SLC9A2: variants seen among roughly 807,000 people sequenced by gnomAD.
The protein encoded by SLC9A2 is solute carrier family 9 member A2, also known as sodium/hydrogen exchanger 2.
Under a neutral mutation model 71.7 loss-of-function variants are expected in SLC9A2, and 42 were observed. That is an observed-to-expected ratio of 0.59 (90% CI 0.46 to 0.76). The LOEUF is 0.76. Ranked by LOEUF, SLC9A2 falls within the 30% of genes least tolerant of loss-of-function variation. The pLI is 0.00. For missense variants in SLC9A2, 829 were observed against 1,017.4 expected (o/e 0.81, Z 2.52); for synonymous variants, 396 against 392.5 (o/e 1.01, Z -0.10).
intron 3 of SLC9A2, among the ~76,000 whole-genome samples, chr2:102,668,164 TG>T (rs1677178768): frequency 6.6e-6 from 1 of 152,194 alleles, no homozygotes; most frequent in Non-Finnish European, 1.5e-5. Flanking sequence ...ATATTACCAG[TG>T]ATGTAAACAT....
chr2:102,701,103 G>A lies in SLC9A2; in HGVS notation c.1620G>A (p.Lys540=), dbSNP rs1677865436. The A allele has an allele frequency of 1.2e-6, 2 of 1,607,812 alleles. No homozygotes were observed. The highest frequency in any genetic ancestry group is 1.7e-6 in the Non-Finnish European group (2 of 1,177,844). The change falls in exon 8 of 12, where the codon AAG becomes AAA. Residue 540 remains lysine (K), a synonymous_variant. Transcript: ENST00000233969. Reference sequence around the variant, plus strand: ...AGTTTGATGATAAATATCTGCGGAAGCTTTTGATTCGGGAAAACCAACCAA... The same window carrying A: ...AGTTTGATGATAAATATCTGCGGAAACTTTTGATTCGGGAAAACCAACCAA... ...FKKFDDKYLR[K]LLIRENQPKS...
At chr2:102,688,673 A>C (rs1677601328) in intron 5 of SLC9A2, among the ~76,000 whole-genome samples, 1 of 152,170 alleles carries the variant, frequency 6.6e-6, no homozygotes, top group African/African-American at 2.4e-5. Context: ...GGTTGCAGTG[A>C]GCCGAGATTT....
intron 5 of SLC9A2, among the ~76,000 whole-genome samples, chr2:102,690,427 A>C (rs1270304979): frequency 6.6e-6 from 1 of 152,160 alleles, no homozygotes; most frequent in Non-Finnish European, 1.5e-5. Flanking sequence ...AGATATGGGC[A>C]ACTCTCTTAG....
At chr2:102,626,227 TA>T (rs1439420935) in intron 1 of SLC9A2, among the ~76,000 whole-genome samples, 1 of 152,266 alleles carries the variant, frequency 6.6e-6, no homozygotes, top group Non-Finnish European at 1.5e-5. Context: ...AACAGACATA[TA>T]GACCAATGGA....
rs1460388891 is a variant in SLC9A2 at position 102,710,657 on chromosome 2, C to T, written c.*2168C>T. ...ACAAAGGCAATAAAAATAAATTTGACTTTAGCTTTTTTTCTATACTTTCCT... is the reference window on the plus strand; with the variant it reads ...ACAAAGGCAATAAAAATAAATTTGATTTTAGCTTTTTTTCTATACTTTCCT... On this transcript the variant is annotated 3_prime_UTR_variant, in exon 12 of 12. Transcript: ENST00000233969. 1 of 152,104 alleles carries T rather than the reference C, an allele frequency of 6.6e-6. No homozygotes were observed. The highest frequency in any genetic ancestry group is 1.5e-5 in the Non-Finnish European group (1 of 67,994). The allele number at this position is 152,104 out of a possible 1,614,324, so 9.4% of individuals were successfully genotyped here.
chr2:102,701,018 T>G (rs2104553723), intron 7 of SLC9A2, 52 bp from the exon 8 acceptor site: 1 of 1,315,464 alleles, frequency 7.6e-7, no homozygotes, highest in Non-Finnish European at 1.1e-6. Context: ...AAACAACAAC[T>G]ATTTTCTTAG....
chr2:102,628,346 G>C (rs1327058994), intron 1 of SLC9A2, among the ~76,000 whole-genome samples: 1 of 152,098 alleles, frequency 6.6e-6, no homozygotes, highest in Non-Finnish European at 1.5e-5. Flanking sequence ...GATAAAACTG[G>C]AATGATGACT....
intron 3 of SLC9A2, among the ~76,000 whole-genome samples, chr2:102,676,193 G>T (rs1287142916): frequency 1.3e-5 from 2 of 152,204 alleles, no homozygotes; most frequent in African/African-American, 4.8e-5. Flanking sequence ...GGCCCCACCT[G>T]TAGCCCACAT....
rs549204743 is a variant in SLC9A2, at chr2:102,667,140, C to G, written c.1004+1790C>G. Among the ~76,000 whole-genome samples the G allele has an allele frequency of 1.3e-4, 20 of 152,314 alleles. No homozygotes were observed. The South Asian group carries it at 3.7e-3, about 28-fold the overall frequency. On this transcript the variant is annotated intron_variant, in intron 3 of 11. Transcript: ENST00000233969. ...GTTTCACAGAGAAACCTAAATAAAG[C>G]AACGCATTAATCTAGTTTGACCCAG...
At chr2:102,624,699 G>C (rs1027486915) in intron 1 of SLC9A2, among the ~76,000 whole-genome samples, 3 of 152,134 alleles carry the variant, frequency 2.0e-5, no homozygotes, top group African/African-American at 7.2e-5. Flanking sequence ...TGGTCACTCT[G>C]CTCTTTTGAT....
At chr2:102,672,855 T>C (rs1428651785) in intron 3 of SLC9A2, among the ~76,000 whole-genome samples, 1 of 152,188 alleles carries the variant, frequency 6.6e-6, no homozygotes, top group Non-Finnish European at 1.5e-5. Context: ...AAACATTATA[T>C]TTTCTTGCCT....
intron 1 of SLC9A2, among the ~76,000 whole-genome samples, chr2:102,649,930 C>A (rs1358973828): frequency 1.3e-5 from 2 of 152,150 alleles, no homozygotes; most frequent in Non-Finnish European, 2.9e-5. Context: ...GGATCTAGAA[C>A]CAGAATTACC....
At chr2:102,697,492 C>G (rs1254262687) in intron 7 of SLC9A2, 1 of 151,732 alleles carries the variant, frequency 6.6e-6, no homozygotes, top group African/African-American at 2.4e-5. Flanking sequence ...CTAGCATTTG[C>G]CACTGCAGTG....
intron 5 of SLC9A2, chr2:102,686,561 G>A (rs976685113): frequency 1.3e-5 from 2 of 152,174 alleles, no homozygotes; most frequent in East Asian, 1.9e-4. Context: ...TTCTGCTTTC[G>A]CGCAGTAATA....
intron 11 of SLC9A2, among the ~76,000 whole-genome samples, chr2:102,707,359 T>C (rs1285104144): frequency 2.0e-5 from 3 of 149,196 alleles, no homozygotes; most frequent in Non-Finnish European, 4.4e-5. Flanking sequence ...ACCTAAATGA[T>C]GGCTGGTGGT....
At chr2:102,687,313 C>A (rs1354436765) in intron 5 of SLC9A2, among the ~76,000 whole-genome samples, 1 of 152,098 alleles carries the variant, frequency 6.6e-6, no homozygotes, top group Non-Finnish European at 1.5e-5. Context: ...CGTGCATGCA[C>A]CCACACACAC....
chr2:102,670,217 C>T (rs376898885), intron 3 of SLC9A2, among the ~76,000 whole-genome samples: 176 of 151,026 alleles, frequency 1.2e-3, no homozygotes, highest in African/African-American at 3.7e-3. Flanking sequence ...GGGATTTCAC[C>T]GTGTTAGCCA....
intron 1 of SLC9A2, among the ~76,000 whole-genome samples, chr2:102,621,232 G>A (rs1330045024): frequency 6.6e-6 from 1 of 151,560 alleles, no homozygotes; most frequent in Non-Finnish European, 1.5e-5. Context: ...GTTACTTGGA[G>A]GCTGAGGCGG....
rs753614939 is a variant in SLC9A2 at position 102,665,247 on chromosome 2, C to G, written c.901C>G (p.Arg301Gly). The change falls in exon 3 of 12, where the codon CGA (arginine) becomes GGA (glycine). Residue 301 changes from arginine to glycine, a missense_variant. This residue lies in a region of SLC9A2 where 500 missense variants were observed against 726.3 expected (regional missense o/e 0.69). Coordinates refer to ENST00000233969, the MANE Select transcript of SLC9A2 (RefSeq NM_003048.6). ...FLGFIAAFTT[R>G]FTHNIRVIEP... ...GGGCTTTATAGCGGCATTTACTACT[C>G]GATTCACCCATAATATCCGAGTGAT... The G allele has an allele frequency of 1.2e-6, 2 of 1,614,056 alleles. No individual in the cohort carries two copies. Among genetic ancestry groups the G allele is most frequent in the Admixed American group, 1.7e-5 (1 of 60,024 alleles).
Sources: allele counts gnomAD v4.1 joint callset (sites outside exome capture counted in the v4.1 genomes callset), GRCh38; gene constraint gnomAD v4.1.1; regional missense constraint gnomAD v4.1.1; transcripts MANE v1.5; gene names NCBI Gene and HGNC (gene_info 2026-07-23, HGNC 2026-07-21).